NLGN1: variants seen among roughly 807,000 people sequenced by gnomAD.
NLGN1 encodes the protein neuroligin 1, also known as neuroligin-1.
NLGN1 carries 12 observed loss-of-function variants against 65.5 expected under a neutral mutation model. The observed-to-expected ratio is 0.18, with a 90% CI of 0.12 to 0.30. NLGN1 has a LOEUF of 0.30. Among genes scored for constraint, NLGN1 ranks in the 10% least tolerant of loss-of-function variants. NLGN1 has a pLI of 1.00. For missense variants in NLGN1, 750 were observed against 1,007.1 expected, an observed-to-expected ratio of 0.74 and a Z score of 3.46; for synonymous variants, 350 against 359.5, an observed-to-expected ratio of 0.97 and a Z score of 0.30.
At chr3:173,589,692 G>T (rs1198021626) in intron 2 of NLGN1, among the ~76,000 whole-genome samples, 1 of 152,062 alleles carries the variant, frequency 6.6e-6, no homozygotes, top group Non-Finnish European at 1.5e-5. Flanking sequence ...GTATACATAT[G>T]GTTCTCAACA....
intron 4 of NLGN1, among the ~76,000 whole-genome samples, chr3:174,261,899 G>C (rs991745927): frequency 1.7e-4 from 25 of 147,160 alleles, no homozygotes; most frequent in Non-Finnish European, 3.4e-4. Context: ...GTGAAGCGTT[G>C]TTGAATTTTG....
intron 4 of NLGN1, among the ~76,000 whole-genome samples, chr3:174,046,175 A>G (rs1218369210): frequency 1.3e-5 from 2 of 152,316 alleles, no homozygotes; most frequent in East Asian, 1.9e-4. Context: ...TCCATACTAT[A>G]TTTCCTTAAA....
chr3:173,509,403 T>A (rs1383672201), intron 2 of NLGN1, among the ~76,000 whole-genome samples: 1 of 152,166 alleles, frequency 6.6e-6, no homozygotes, highest in Non-Finnish European at 1.5e-5. Context: ...CAAAAATGTA[T>A]TTAGTTCGTG....
At chr3:173,443,561 G>T (rs1180537505) in intron 2 of NLGN1, among the ~76,000 whole-genome samples, 1 of 152,008 alleles carries the variant, frequency 6.6e-6, no homozygotes, top group Non-Finnish European at 1.5e-5. Context: ...CAATAAGGAT[G>T]CACACAGCAC....
At chr3:173,547,964 A>G (rs953420495) in intron 2 of NLGN1, among the ~76,000 whole-genome samples, 4 of 152,140 alleles carry the variant, frequency 2.6e-5, no homozygotes, top group East Asian at 3.9e-4. Flanking sequence ...TCAAAGCACT[A>G]TCTCGGGAGT....
chr3:173,585,119 A>AAATGG (rs944565149), intron 2 of NLGN1: 5 of 152,176 alleles, frequency 3.3e-5, no homozygotes, highest in African/African-American at 1.2e-4. Flanking sequence ...GGTGCCTGTG[A>AAATGG]AATGGAGAGA....
intron 2 of NLGN1, among the ~76,000 whole-genome samples, chr3:173,450,894 C>T (rs575051094): frequency 6.6e-6 from 1 of 152,162 alleles, no homozygotes; most frequent in Non-Finnish European, 1.5e-5. Flanking sequence ...AGTTCTCATG[C>T]CATGGTTTTC....
intron 4 of NLGN1, among the ~76,000 whole-genome samples, chr3:173,826,180 C>T (rs1024159274): frequency 6.6e-6 from 1 of 152,036 alleles, no homozygotes; most frequent in Non-Finnish European, 1.5e-5. Context: ...CTACTTCTGG[C>T]ACACTCAGTT....
At chr3:173,743,321 TG>T (rs1443467501) in intron 3 of NLGN1, among the ~76,000 whole-genome samples, 7 of 152,136 alleles carry the variant, frequency 4.6e-5, no homozygotes, top group African/African-American at 1.7e-4. Flanking sequence ...TGTCCTAGAG[TG>T]TAGTCTAAAT....
chr3:174,267,864 A>G (rs1280408901), intron 4 of NLGN1, among the ~76,000 whole-genome samples: 4 of 152,230 alleles, frequency 2.6e-5, no homozygotes, highest in Non-Finnish European at 4.4e-5. Context: ...GGGGACAATT[A>G]CAGTGGATAG....
chr3:174,230,852 A>G (rs1011890800), intron 4 of NLGN1, among the ~76,000 whole-genome samples: 2 of 152,244 alleles, frequency 1.3e-5, no homozygotes, highest in Admixed American at 1.3e-4. Flanking sequence ...CTCTCATTAC[A>G]TACTATATTG....
intron 5 of NLGN1, among the ~76,000 whole-genome samples, chr3:174,277,443 T>G (rs1185916550): frequency 1.3e-5 from 2 of 151,938 alleles, no homozygotes; most frequent in African/African-American, 4.8e-5. Context: ...CTTCTCAATC[T>G]TTTTCGGTAT....
chr3:173,642,356 G>A (rs1196506478), intron 3 of NLGN1, among the ~76,000 whole-genome samples: 1 of 152,162 alleles, frequency 6.6e-6, no homozygotes, highest in African/African-American at 2.4e-5. Flanking sequence ...TCAGGACTGG[G>A]GAGATGCAGT....
At chr3:173,816,696 A>C (rs1009688509) in intron 4 of NLGN1, among the ~76,000 whole-genome samples, 1 of 152,178 alleles carries the variant, frequency 6.6e-6, no homozygotes, top group African/African-American at 2.4e-5. Flanking sequence ...AGCTCATCTC[A>C]AAACACTCTT....
intron 3 of NLGN1, among the ~76,000 whole-genome samples, chr3:173,704,556 A>G (rs1198780632): frequency 6.6e-6 from 1 of 152,188 alleles, no homozygotes; most frequent in Non-Finnish European, 1.5e-5. Flanking sequence ...TGATAGAAGT[A>G]TTGTCTAAAA....
intron 4 of NLGN1, among the ~76,000 whole-genome samples, chr3:174,241,117 G>C (rs961758881): frequency 6.6e-6 from 1 of 152,068 alleles, no homozygotes; most frequent in South Asian, 2.1e-4. Flanking sequence ...AAATAGCTTT[G>C]AACCCTACAT....
chr3:173,539,804 AT>A lies in NLGN1; in HGVS notation c.-320-64474del, dbSNP rs200982972. On this transcript the variant is annotated intron_variant, in intron 2 of 6. Coordinates refer to ENST00000457714, the Ensembl canonical transcript of NLGN1. ...TATATATGTACATATATACATATAT[AT>A]ACATATATACATATGTTATATATGT... 3.8e-3 allele frequency among the ~76,000 whole-genome samples: 443 copies of A among 117,618 alleles called. 8 individuals carry two copies. The East Asian group carries it at 0.06, about 16-fold the overall frequency. 77.2% of individuals were successfully genotyped at this position (117,618 alleles called of 152,430 possible).
chr3:173,481,885 T>G (rs904272945), intron 2 of NLGN1, among the ~76,000 whole-genome samples: 5 of 152,012 alleles, frequency 3.3e-5, no homozygotes, highest in Non-Finnish European at 7.4e-5. Flanking sequence ...GACACTTTGG[T>G]AAGTGACAAA....
intron 1 of NLGN1, among the ~76,000 whole-genome samples, chr3:173,431,821 A>C (rs1717222411): frequency 2.0e-5 from 3 of 152,306 alleles, no homozygotes; most frequent in Admixed American, 6.5e-5. Flanking sequence ...CCATCATCAT[A>C]GTATCATGCA....
Sources: allele counts gnomAD v4.1 joint callset (sites outside exome capture counted in the v4.1 genomes callset), GRCh38; gene constraint gnomAD v4.1.1; transcripts MANE v1.5; gene names NCBI Gene and HGNC (gene_info 2026-07-23, HGNC 2026-07-21).